The following SHB variants were observed in gnomAD, a reference collection of about 807,000 sequenced individuals.
SHB encodes the protein SH2 domain containing adaptor protein B, also known as SH2 domain-containing adapter protein B.
SHB carries 20 observed loss-of-function variants against 52.3 expected under a neutral mutation model. That is an observed-to-expected ratio of 0.38 (90% CI 0.27 to 0.56). The LOEUF is 0.56. Among genes scored for constraint, SHB ranks in the 20% least tolerant of loss-of-function variants. SHB has a pLI of 0.71. For synonymous variants in SHB, 397 were observed against 316.5 expected, an observed-to-expected ratio of 1.25 and a Z score of -2.70; for missense variants, 825 against 723.3, an observed-to-expected ratio of 1.14 and a Z score of -1.61.
At position 37,918,362 on chromosome 9, in the gene SHB, C is replaced by T. The variant is rs1025438534; in HGVS notation, c.*1459G>A. ...GCTATGGCAAGCAAGAGAGAGGTCGCGTGTGCGTGTGCGTGTGTAGGTGTT... is the reference window on the plus strand; with the variant it reads ...GCTATGGCAAGCAAGAGAGAGGTCGTGTGTGCGTGTGCGTGTGTAGGTGTT... On this transcript the variant is annotated 3_prime_UTR_variant, in exon 6 of 6. Transcript: ENST00000377707. Among the ~76,000 whole-genome samples the T allele has an allele frequency of 1.4e-5, 2 of 147,440 alleles. No individual in the cohort carries two copies. Among genetic ancestry groups the T allele is most frequent in the East Asian group, 2.0e-4 (1 of 4,892 alleles).
rs76483793 is a variant in SHB at position 37,968,004 on chromosome 9, G to A, written c.1054+6618C>T. The stretch of plus-strand genomic sequence containing the variant: ...GGGATATGGGGTTTCCTGAAGAAGT[G>A]GTGCTTTCCACACCATCCGTGCTTC... On this transcript the variant is annotated intron_variant, in intron 3 of 5. Coordinates refer to ENST00000377707, the MANE Select transcript of SHB (RefSeq NM_003028.3). Among the ~76,000 whole-genome samples the A allele has an allele frequency of 6.2e-3, 944 of 152,280 alleles. 15 individuals carry two copies. The highest frequency in any genetic ancestry group is 0.022 in the African/African-American group (906 of 41,552).
In SHB at chr9:37,916,142, AG is replaced by A. The variant is rs1832095292; in HGVS notation, c.*3678del. On this transcript the variant is annotated 3_prime_UTR_variant, in exon 6 of 6. Coordinates refer to ENST00000377707, the MANE Select transcript of SHB (RefSeq NM_003028.3). ...GAACAAGTCCCCGTGGGGTTCTGGG[AG>A]GTGCGCCCACATCTAAGACTGTGCG... Among the ~76,000 whole-genome samples the A allele has an allele frequency of 6.6e-6, 1 of 152,204 alleles. No individual in the cohort carries two copies. Among genetic ancestry groups the A allele is most frequent in the African/African-American group, 2.4e-5 (1 of 41,450 alleles).
intron 2 of SHB, among the ~76,000 whole-genome samples, chr9:38,005,646 A>G (rs937482786): frequency 2.0e-5 from 3 of 152,320 alleles, no homozygotes; most frequent in Admixed American, 6.5e-5. Flanking sequence ...GAGTCCTGGT[A>G]TCATATATAA....
chr9:38,041,541 C>T (rs1171501725), intron 1 of SHB, among the ~76,000 whole-genome samples: 1 of 151,418 alleles, frequency 6.6e-6, no homozygotes, highest in South Asian at 2.1e-4. Context: ...CAGAAATGGG[C>T]ACAGGCAAGT....
In SHB at chr9:38,068,399, C is replaced by T. The variant is rs1822005092; in HGVS notation, c.247G>A (p.Ala83Thr). Residue 83 changes from alanine to threonine, a missense_variant, in exon 1 of 6, where the codon GCC becomes ACC. Coordinates refer to ENST00000377707, the MANE Select transcript of SHB (RefSeq NM_003028.3). ...TCTCGCTCCTTCTGCGCGCGGTAGG[C>T]GCGGATGAGGTCGCTGGTGCTGCCG... ...DSGSTSDLIR[A>T]YRAQKERDFE... 1.3e-6 allele frequency: 2 copies of T among 1,574,244 alleles called. No homozygotes were observed. The highest frequency in any genetic ancestry group is 1.8e-5 in the Admixed American group (1 of 56,344).
At position 38,069,028 on chromosome 9, in the gene SHB, T is replaced by G. The variant is rs990873066; in HGVS notation, c.-383A>C. 6.6e-6 allele frequency: 1 copy of G among 151,406 alleles called. No individual in the cohort carries two copies. The highest frequency in any genetic ancestry group is 1.5e-5 in the Non-Finnish European group (1 of 67,852). 9.4% of individuals were successfully genotyped at this position (151,406 alleles called of 1,614,324 possible). ...CCCGTCGGAGCCGCAGCCTCCGCCT[T>G]GGCCGGGATCCGCGGCTGCCGCGGG... On this transcript the variant is annotated 5_prime_UTR_variant, in exon 1 of 6. Transcript: ENST00000377707.
At chr9:37,935,362 C>A (rs537268739) in intron 5 of SHB, among the ~76,000 whole-genome samples, 1 of 152,172 alleles carries the variant, frequency 6.6e-6, no homozygotes, top group Admixed American at 6.5e-5. Context: ...AGGTTGTGTT[C>A]GGCCTCGGTG....
chr9:37,994,843 A>G (rs1820928824), intron 2 of SHB, among the ~76,000 whole-genome samples: 1 of 152,142 alleles, frequency 6.6e-6, no homozygotes, highest in Non-Finnish European at 1.5e-5. Context: ...GCTGCCCTTC[A>G]ATAGCATAAA....
intron 1 of SHB, among the ~76,000 whole-genome samples, chr9:38,059,271 C>G (rs1365516848): frequency 1.3e-5 from 2 of 149,758 alleles, no homozygotes; most frequent in Non-Finnish European, 3.0e-5. Context: ...TCACTCTCCC[C>G]TCCTCGGCCG....
At chr9:37,930,274 C>T (rs1832297864) in intron 5 of SHB, among the ~76,000 whole-genome samples, 1 of 152,198 alleles carries the variant, frequency 6.6e-6, no homozygotes, top group Non-Finnish European at 1.5e-5. Context: ...ACAGATGACA[C>T]TGAGGCTCAG....
At chr9:37,936,033 T>G (rs1587199128) in intron 5 of SHB, among the ~76,000 whole-genome samples, 4 of 142,680 alleles carry the variant, frequency 2.8e-5, no homozygotes, top group Middle Eastern at 3.6e-3. Context: ...TGAAACCCCG[T>G]CTCTACTAAA....
intron 1 of SHB, among the ~76,000 whole-genome samples, chr9:38,051,877 C>A (rs191390183): frequency 6.6e-6 from 1 of 152,180 alleles, no homozygotes; most frequent in Non-Finnish European, 1.5e-5. Flanking sequence ...ACATCTTCAT[C>A]GTGGCTAACA....
chr9:38,027,270 A>T (rs1051791791), intron 1 of SHB, among the ~76,000 whole-genome samples: 1 of 152,202 alleles, frequency 6.6e-6, no homozygotes, highest in Non-Finnish European at 1.5e-5. Flanking sequence ...CTCACCAGCT[A>T]TGGAGCTCTA....
At chr9:38,004,776 G>A (rs1821059335) in intron 2 of SHB, among the ~76,000 whole-genome samples, 1 of 152,216 alleles carries the variant, frequency 6.6e-6, no homozygotes, top group Non-Finnish European at 1.5e-5. Flanking sequence ...AGAGACTCGA[G>A]GCTTAGCAGA....
At chr9:38,044,472 T>C (rs1389093021) in intron 1 of SHB, among the ~76,000 whole-genome samples, 1 of 152,262 alleles carries the variant, frequency 6.6e-6, no homozygotes, top group East Asian at 1.9e-4. Context: ...TCATGGGTCC[T>C]GAATCCTTTG....
chr9:37,984,734 C>G (rs2244481), intron 2 of SHB, among the ~76,000 whole-genome samples: 86,801 of 151,938 alleles, frequency 0.57, 25,174 homozygotes, highest in East Asian at 0.75. Context: ...TTAGACACGC[C>G]GCAAAACCAG....
At chr9:38,049,892 C>T (rs1217283373) in intron 1 of SHB, among the ~76,000 whole-genome samples, 3 of 151,780 alleles carry the variant, frequency 2.0e-5, no homozygotes, top group Non-Finnish European at 2.9e-5. Context: ...CTCCGCCTCC[C>T]GGATTCAAGT....
intron 1 of SHB, among the ~76,000 whole-genome samples, chr9:38,055,074 G>C (rs982197259): frequency 6.6e-6 from 1 of 152,218 alleles, no homozygotes; most frequent in African/African-American, 2.4e-5. Flanking sequence ...TGGGATGGGA[G>C]CCTAGGAAAC....
chr9:37,962,701 G>A (rs1832706904), intron 3 of SHB, among the ~76,000 whole-genome samples: 2 of 151,510 alleles, frequency 1.3e-5, no homozygotes. Context: ...TTGTAGAGGT[G>A]GCCTCTCGCT....
Sources: allele counts gnomAD v4.1 joint callset (sites outside exome capture counted in the v4.1 genomes callset), GRCh38; gene constraint gnomAD v4.1.1; transcripts MANE v1.5; gene names NCBI Gene and HGNC (gene_info 2026-07-23, HGNC 2026-07-21).